Variants in ANKRD45 observed in about 807,000 individuals in gnomAD.
The protein encoded by ANKRD45 is ankyrin repeat domain 45.
Under a neutral mutation model 28.1 loss-of-function variants are expected in ANKRD45, and 21 were observed. That is an observed-to-expected ratio of 0.75 (90% CI 0.53 to 1.08). The LOEUF is 1.08. ANKRD45 is among the 50% of genes least tolerant of loss of function. The probability of loss-of-function intolerance (pLI) is 0.00; values close to 1 mark genes in which losing one functional copy is unlikely to be tolerated. For missense variants in ANKRD45, 261 were observed against 308.7 expected (o/e 0.85, Z 1.16); for synonymous variants, 86 against 103.9 (o/e 0.83, Z 1.05).
At chr1:173,711,717 T>C in the ANKRD45 span, among the ~76,000 whole-genome samples, 1 of 152,340 alleles carries the variant, frequency 6.6e-6, no homozygotes, top group East Asian at 1.9e-4. Flanking sequence ...GGCATAGTCT[T>C]ACTCAGGTGG....
At chr1:173,631,580 G>A (rs946833661) in intron 3 of ANKRD45, among the ~76,000 whole-genome samples, 8 of 151,864 alleles carry the variant, frequency 5.3e-5, no homozygotes, top group Admixed American at 2.0e-4. Context: ...CAGACCTTAC[G>A]TTAGGCCACA....
At chr1:173,691,931 T>C in the ANKRD45 span, among the ~76,000 whole-genome samples, 7 of 152,328 alleles carry the variant, frequency 4.6e-5, no homozygotes, top group East Asian at 1.2e-3. Context: ...TTGGCGAGGA[T>C]TAGACTGCAT....
intron 2 of ANKRD45, among the ~76,000 whole-genome samples, chr1:173,652,915 T>C (rs541446413): frequency 2.0e-5 from 3 of 152,362 alleles, no homozygotes; most frequent in African/African-American, 7.2e-5. Flanking sequence ...TGATGGTAGT[T>C]TGTATTTCTG....
the ANKRD45 span, among the ~76,000 whole-genome samples, chr1:173,691,685 G>C: frequency 2.0e-5 from 3 of 152,172 alleles, no homozygotes; most frequent in South Asian, 6.2e-4. Context: ...TACTTGGGAG[G>C]CTGAGGCAGG....
At chr1:173,675,947 C>T in the ANKRD45 span, among the ~76,000 whole-genome samples, 1 of 152,134 alleles carries the variant, frequency 6.6e-6, no homozygotes, top group Admixed American at 6.5e-5. Flanking sequence ...GGATTTGTAC[C>T]ATCAAATACC....
At chr1:173,637,776 C>G (rs1020739869) in intron 3 of ANKRD45, among the ~76,000 whole-genome samples, 1 of 152,124 alleles carries the variant, frequency 6.6e-6, no homozygotes, top group African/African-American at 2.4e-5. Context: ...GCTGAGAGAT[C>G]CTTTGTCTCA....
At chr1:173,613,325 G>A (rs1170657514) in intron 5 of ANKRD45, among the ~76,000 whole-genome samples, 6 of 150,916 alleles carry the variant, frequency 4.0e-5, no homozygotes, top group African/African-American at 7.3e-5. Flanking sequence ...CAGCCGCCCC[G>A]TCTGAGAAGC....
chr1:173,622,106 T>G (rs1667732714), intron 5 of ANKRD45, among the ~76,000 whole-genome samples: 1 of 152,106 alleles, frequency 6.6e-6, no homozygotes, highest in Non-Finnish European at 1.5e-5. Context: ...TCAAGGGAAG[T>G]GAACAACCTC....
the ANKRD45 span, among the ~76,000 whole-genome samples, chr1:173,678,402 G>T: frequency 6.6e-6 from 1 of 152,136 alleles, no homozygotes; most frequent in East Asian, 1.9e-4. Flanking sequence ...TGCAAGCCTG[G>T]TTCAACATAC....
chr1:173,643,943 C>G (rs1668814100), intron 3 of ANKRD45, among the ~76,000 whole-genome samples: 1 of 152,126 alleles, frequency 6.6e-6, no homozygotes, highest in Non-Finnish European at 1.5e-5. Flanking sequence ...ACCTCCGTTC[C>G]TCCTTAGCAC....
chr1:173,683,715 T>A, the ANKRD45 span, among the ~76,000 whole-genome samples: 1 of 152,124 alleles, frequency 6.6e-6, no homozygotes, highest in African/African-American at 2.4e-5. Flanking sequence ...TTGAAAAGGT[T>A]GAGGATGCAC....
At chr1:173,683,860 A>G in the ANKRD45 span, among the ~76,000 whole-genome samples, 1 of 152,190 alleles carries the variant, frequency 6.6e-6, no homozygotes, top group African/African-American at 2.4e-5. Flanking sequence ...AGGTACTTCT[A>G]TAGAAGGGTG....
At chr1:173,635,363 ATG>A (rs1668380328) in intron 3 of ANKRD45, 1 of 613,764 alleles carries the variant, frequency 1.6e-6, no homozygotes, top group Admixed American at 3.0e-5. Flanking sequence ...GCAAGGTTAT[ATG>A]AAGTGCTTTT....
chr1:173,687,986 CT>C, the ANKRD45 span, among the ~76,000 whole-genome samples: 11,350 of 128,518 alleles, frequency 0.088, 1,101 homozygotes, highest in African/African-American at 0.25. Flanking sequence ...AATGTTGAAT[CT>C]TTTTTTTTTT....
the ANKRD45 span, among the ~76,000 whole-genome samples, chr1:173,709,675 A>G: frequency 6.6e-6 from 1 of 151,712 alleles, no homozygotes; most frequent in East Asian, 1.9e-4. Context: ...TCTGTTGCCC[A>G]GGCTGAAGTG....
In ANKRD45 at chr1:173,624,847, C is replaced by T. The variant is rs1448218775; in HGVS notation, c.670G>A (p.Glu224Lys). The stretch of plus-strand genomic sequence containing the variant: ...ATATCTTCCAGTTGTTGTCTCTGCT[C>T]AAAAAGCTCATTAATGGAAGCTTCT... ...HTEASINELF[E>K]QRQQLEDIVT... The change falls in exon 5 of 6, where the codon GAG becomes AAG. Residue 224 changes from glutamate (E) to lysine (K), a missense_variant. By Grantham distance (56) the Glu-to-Lys change is moderately conservative. Transcript: ENST00000333279. 1.2e-6 allele frequency: 2 copies of T among 1,613,852 alleles called. No individual in the cohort carries two copies. The highest frequency in any genetic ancestry group is 4.5e-5 in the East Asian group (2 of 44,852).
At chr1:173,629,942 G>A (rs1187699845) in intron 3 of ANKRD45, among the ~76,000 whole-genome samples, 3 of 152,052 alleles carry the variant, frequency 2.0e-5, no homozygotes, top group Admixed American at 6.6e-5. Context: ...AACATATAAC[G>A]GAACTCCAAT....
chr1:173,666,035 C>A (rs371886695), intron 1 of ANKRD45, among the ~76,000 whole-genome samples: 3 of 152,000 alleles, frequency 2.0e-5, no homozygotes, highest in Non-Finnish European at 2.9e-5. Flanking sequence ...AACAAAAAAA[C>A]CACAAATAAA....
the ANKRD45 span, among the ~76,000 whole-genome samples, chr1:173,700,880 C>A: frequency 6.6e-6 from 1 of 152,176 alleles, no homozygotes; most frequent in Non-Finnish European, 1.5e-5. Flanking sequence ...TCAGAGTGAA[C>A]AGGCAACCTA....
Sources: gnomAD v4.1 joint callset for allele counts (sites outside exome capture counted in the v4.1 genomes callset) on GRCh38, gnomAD v4.1.1 for gene constraint, MANE v1.5 for transcripts, NCBI Gene and HGNC (gene_info 2026-07-23, HGNC 2026-07-21) for gene names.